WWC1: variants seen among roughly 807,000 people sequenced by gnomAD.
WWC1 encodes the protein WW and C2 domain containing 1, also known as protein KIBRA.
A neutral mutation model predicts 138.4 loss-of-function variants in WWC1; 55 were observed. The observed-to-expected ratio is 0.40, with a 90% confidence interval of 0.32 to 0.50. WWC1 has a LOEUF of 0.50. Among genes scored for constraint, WWC1 ranks in the 20% least tolerant of loss-of-function variants. WWC1 has a pLI of 0.72. For synonymous variants in WWC1, 524 were observed against 564.9 expected, an observed-to-expected ratio of 0.93 and a Z score of 1.03; for missense variants, 1,226 against 1,420.4, an observed-to-expected ratio of 0.86 and a Z score of 2.20.
chr5:168,372,053 T>TG (rs1776797418), intron 2 of WWC1, among the ~76,000 whole-genome samples: 1 of 141,262 alleles, frequency 7.1e-6, no homozygotes, highest in African/African-American at 2.7e-5. Flanking sequence ...AAGAGTGTGT[T>TG]TGTGTGTGTG....
rs762330042 is a variant in WWC1 at position 168,377,031 on chromosome 5, T to C, written c.229+5498T>C. On this transcript the variant is annotated intron_variant, in intron 2 of 22. Coordinates refer to ENST00000265293, the MANE Select transcript of WWC1 (RefSeq NM_015238.3). Reference sequence around the variant, plus strand: ...CATCATATTATCCAACTTCAAACTATACTATAAGGCTGCAGTATCCAAAAC... The same window carrying C: ...CATCATATTATCCAACTTCAAACTACACTATAAGGCTGCAGTATCCAAAAC... 8.5e-5 allele frequency among the ~76,000 whole-genome samples: 13 copies of C among 152,130 alleles called. No homozygotes were observed. In the East Asian group the frequency reaches 2.5e-3, roughly 29 times the overall value.
chr5:168,378,678 C>T (rs926288314), intron 2 of WWC1, among the ~76,000 whole-genome samples: 7 of 152,136 alleles, frequency 4.6e-5, no homozygotes, highest in African/African-American at 1.7e-4. Flanking sequence ...AAGATTATAT[C>T]AGCTTGTATT....
intron 1 of WWC1, among the ~76,000 whole-genome samples, chr5:168,318,389 T>A (rs1561602837): frequency 6.6e-6 from 1 of 152,186 alleles, no homozygotes; most frequent in Non-Finnish European, 1.5e-5. Flanking sequence ...CTCTGTGGTG[T>A]TAACTACATT....
intron 19 of WWC1, among the ~76,000 whole-genome samples, chr5:168,458,385 C>T (rs535047932): frequency 7.2e-5 from 11 of 152,278 alleles, no homozygotes; most frequent in Admixed American, 3.3e-4. Flanking sequence ...CTGGCCTCCT[C>T]GGGTCTGATC....
At chr5:168,409,707 C>T (rs1224263456) in intron 7 of WWC1, among the ~76,000 whole-genome samples, 3 of 152,160 alleles carry the variant, frequency 2.0e-5, no homozygotes, top group Admixed American at 1.3e-4. Flanking sequence ...TCAAAGTGAT[C>T]GATGTCTGAG....
At chr5:168,300,029 T>C (rs916708398) in intron 1 of WWC1, among the ~76,000 whole-genome samples, 3 of 152,140 alleles carry the variant, frequency 2.0e-5, no homozygotes, top group Non-Finnish European at 4.4e-5. Flanking sequence ...CGCTATTTGC[T>C]AAGGGAAGCA....
At chr5:168,403,087 C>CTTTCTTTCTTTTTTTTT (rs1779504732) in intron 5 of WWC1, among the ~76,000 whole-genome samples, 1 of 92,168 alleles carries the variant, frequency 1.1e-5, no homozygotes, top group Non-Finnish European at 2.2e-5. Flanking sequence ...TCTTTTCTTT[C>CTTTCTTTCTTTTTTTTT]TTTTCTTTCT....
intron 1 of WWC1, among the ~76,000 whole-genome samples, chr5:168,322,264 G>T (rs569404645): frequency 6.7e-6 from 1 of 148,284 alleles, no homozygotes; most frequent in East Asian, 1.9e-4. Context: ...TTTGAAGGGA[G>T]ATTGGAAAAT....
rs545785490 is a variant in WWC1 at position 168,465,437 on chromosome 5, C to T, written c.3150+475C>T. Among the ~76,000 whole-genome samples, 16 of 147,478 alleles carry T rather than the reference C, an allele frequency of 1.1e-4. No individual in the cohort carries two copies. The South Asian group carries it at 2.6e-3, about 24-fold the overall frequency. On this transcript the variant is annotated intron_variant, in intron 21 of 22. Transcript: ENST00000265293. ...AACAAGGATGCCCTGGAGTACAAGT[C>T]GGCTGGCACCTCTGCCCTGCTATAA...
chr5:168,425,793 C>G (rs1016738753), intron 11 of WWC1, among the ~76,000 whole-genome samples: 1 of 152,096 alleles, frequency 6.6e-6, no homozygotes, highest in Admixed American at 6.5e-5. Flanking sequence ...ACCACCAAGT[C>G]CAGCCCCTTT....
chr5:168,332,029 C>A (rs1410930633), intron 1 of WWC1, among the ~76,000 whole-genome samples: 1 of 151,892 alleles, frequency 6.6e-6, no homozygotes, highest in Non-Finnish European at 1.5e-5. Flanking sequence ...GCCTATAATC[C>A]CAGTTACTTA....
intron 8 of WWC1, among the ~76,000 whole-genome samples, chr5:168,413,786 T>C (rs1432566473): frequency 1.3e-5 from 2 of 152,168 alleles, no homozygotes; most frequent in Non-Finnish European, 2.9e-5. Flanking sequence ...TCAGTACTTG[T>C]TATGTGCCAG....
At chr5:168,444,862 T>TAA (rs56691330) in intron 17 of WWC1, among the ~76,000 whole-genome samples, 23,329 of 144,696 alleles carry the variant, frequency 0.16, 2,417 homozygotes, top group African/African-American at 0.29. Flanking sequence ...TTTATTTTGC[T>TAA]AAAAAAAAAA....
At chr5:168,367,906 T>G (rs1468246952) in intron 1 of WWC1, among the ~76,000 whole-genome samples, 2 of 151,896 alleles carry the variant, frequency 1.3e-5, no homozygotes, top group Non-Finnish European at 2.9e-5. Flanking sequence ...CTGAAATCCC[T>G]ATATTCAGAT....
At chr5:168,380,225 C>T (rs534412407) in intron 2 of WWC1, among the ~76,000 whole-genome samples, 4 of 152,282 alleles carry the variant, frequency 2.6e-5, no homozygotes, top group African/African-American at 9.6e-5. Flanking sequence ...TGGAGGGTCA[C>T]TTGAGCCCGG....
rs575436290 is a variant in WWC1, at chr5:168,447,232, C to T, written c.2525+2647C>T. ...CTGACCTGGAGGAAACATTCAATAA[C>T]TCTTCCGTATTATTATTCTCTTAGA... On this transcript the variant is annotated intron_variant, in intron 17 of 22. Transcript: ENST00000265293. Among the ~76,000 whole-genome samples the T allele has an allele frequency of 9.2e-4, 140 of 152,300 alleles. 3 individuals carry two copies. Among genetic ancestry groups the T allele is most frequent in the Non-Finnish European group, 8.7e-4 (59 of 68,030 alleles).
intron 1 of WWC1, among the ~76,000 whole-genome samples, chr5:168,347,681 A>T (rs1366604458): frequency 6.6e-6 from 1 of 152,110 alleles, no homozygotes; most frequent in Non-Finnish European, 1.5e-5. Context: ...AGAGCAATCT[A>T]TGTGATGATC....
At chr5:168,314,686 AG>A (rs1400637452) in intron 1 of WWC1, among the ~76,000 whole-genome samples, 1 of 152,200 alleles carries the variant, frequency 6.6e-6, no homozygotes, top group Non-Finnish European at 1.5e-5. Flanking sequence ...GGCCCCAGCC[AG>A]GGGGAACCTG....
intron 1 of WWC1, among the ~76,000 whole-genome samples, chr5:168,349,292 C>G (rs928895372): frequency 6.6e-6 from 1 of 152,146 alleles, no homozygotes; most frequent in Admixed American, 6.6e-5. Context: ...ACCCAGTTCT[C>G]TTCCCACCCC....
Sources: allele counts gnomAD v4.1 joint callset (sites outside exome capture counted in the v4.1 genomes callset), GRCh38; gene constraint gnomAD v4.1.1; transcripts MANE v1.5; gene names NCBI Gene and HGNC (gene_info 2026-07-23, HGNC 2026-07-21).